Variants in DCC observed in about 807,000 individuals in gnomAD.
DCC encodes DCC netrin 1 receptor.
Under a neutral mutation model 172.5 loss-of-function variants are expected in DCC, and 58 were observed. The observed-to-expected ratio is 0.34, with a 90% CI of 0.27 to 0.42. DCC has a LOEUF of 0.42. Ranked by LOEUF, DCC falls within the 10% of genes least tolerant of loss-of-function variation. The pLI is 1.00. For missense variants in DCC, 1,740 were observed against 1,791.0 expected (o/e 0.97, Z 0.51); for synonymous variants, 709 against 644.5 (o/e 1.10, Z -1.52).
intron 1 of DCC, among the ~76,000 whole-genome samples, chr18:52,686,373 T>C (rs932981287): frequency 5.9e-5 from 9 of 152,154 alleles, no homozygotes; most frequent in African/African-American, 7.2e-5. Flanking sequence ...TAAGCCCTTA[T>C]AGCATATCAA....
chr18:52,484,778 A>G (rs899529308), intron 1 of DCC, among the ~76,000 whole-genome samples: 1 of 151,708 alleles, frequency 6.6e-6, no homozygotes, highest in Admixed American at 6.6e-5. Context: ...AAACCTGCAC[A>G]TCTCTCCCAG....
At chr18:52,828,456 A>T (rs1465847246) in intron 2 of DCC, among the ~76,000 whole-genome samples, 1 of 152,026 alleles carries the variant, frequency 6.6e-6, no homozygotes, top group Admixed American at 6.6e-5. Flanking sequence ...TTAAAGAAAT[A>T]TGAGGAATAA....
intron 1 of DCC, among the ~76,000 whole-genome samples, chr18:52,353,528 A>G (rs1417160892): frequency 6.6e-6 from 1 of 152,116 alleles, no homozygotes; most frequent in Non-Finnish European, 1.5e-5. Flanking sequence ...TCGCCTTTTG[A>G]TTGGGGATGG....
intron 16 of DCC, among the ~76,000 whole-genome samples, chr18:53,387,811 A>C (rs1042650615): frequency 2.0e-5 from 3 of 152,204 alleles, no homozygotes; most frequent in Non-Finnish European, 4.4e-5. Flanking sequence ...CAGGCCATGC[A>C]AAATGATACT....
chr18:53,420,706 T>C (rs142075056), intron 21 of DCC, among the ~76,000 whole-genome samples: 1 of 152,306 alleles, frequency 6.6e-6, no homozygotes, highest in Non-Finnish European at 1.5e-5. Context: ...TTTAACCTTA[T>C]GATTTAATTA....
intron 1 of DCC, among the ~76,000 whole-genome samples, chr18:52,618,111 G>A (rs1568258301): frequency 1.3e-5 from 2 of 152,072 alleles, no homozygotes; most frequent in Non-Finnish European, 2.9e-5. Flanking sequence ...AAAGCCACAA[G>A]CTTGCTATTA....
intron 1 of DCC, among the ~76,000 whole-genome samples, chr18:52,410,379 C>T (rs1347655965): frequency 6.6e-6 from 1 of 152,124 alleles, no homozygotes; most frequent in African/African-American, 2.4e-5. Flanking sequence ...TCACAGTGAA[C>T]TATGATTGTG....
At chr18:53,258,891 T>C (rs187322980) in intron 12 of DCC, among the ~76,000 whole-genome samples, 309 of 152,338 alleles carry the variant, frequency 2.0e-3, no homozygotes, top group African/African-American at 7.1e-3. Flanking sequence ...ATCTGGGTGC[T>C]CCTGTATTGG....
chr18:53,305,773 GGA>G, intron 13 of DCC, 54 bp downstream of exon 13: 1 of 1,569,394 alleles, frequency 6.4e-7, no homozygotes, highest in Non-Finnish European at 8.8e-7. Flanking sequence ...AAATGCTTTA[GGA>G]ATAAAATATA....
chr18:52,625,252 A>G (rs1017936051), intron 1 of DCC, among the ~76,000 whole-genome samples: 1 of 152,180 alleles, frequency 6.6e-6, no homozygotes, highest in African/African-American at 2.4e-5. Context: ...TTTAGAGAAG[A>G]GAGAAATGTG....
At chr18:52,460,433 T>C (rs1324921296) in intron 1 of DCC, among the ~76,000 whole-genome samples, 1 of 152,198 alleles carries the variant, frequency 6.6e-6, no homozygotes, top group Non-Finnish European at 1.5e-5. Context: ...AGTAAACTCT[T>C]CTGGTCCTCC....
At chr18:52,735,977 A>G (rs534637951) in intron 1 of DCC, among the ~76,000 whole-genome samples, 1 of 152,288 alleles carries the variant, frequency 6.6e-6, no homozygotes, top group South Asian at 2.1e-4. Flanking sequence ...AAATATTTCA[A>G]TTAATATTGT....
At chr18:52,528,250 GT>G (rs1268026746) in intron 1 of DCC, among the ~76,000 whole-genome samples, 1 of 152,084 alleles carries the variant, frequency 6.6e-6, no homozygotes, top group Non-Finnish European at 1.5e-5. Context: ...TGTTGCATGA[GT>G]TATAACATTC....
intron 21 of DCC, among the ~76,000 whole-genome samples, chr18:53,418,786 T>C (rs1910464975): frequency 6.6e-6 from 1 of 152,140 alleles, no homozygotes; most frequent in South Asian, 2.1e-4. Context: ...TTTGAAATGG[T>C]TTTGATTTGG....
intron 4 of DCC, among the ~76,000 whole-genome samples, chr18:52,924,433 CTA>C (rs1305075769): frequency 6.6e-6 from 1 of 151,990 alleles, no homozygotes; most frequent in Non-Finnish European, 1.5e-5. Context: ...TTAGCTTCAA[CTA>C]TATCGCTCAT....
intron 1 of DCC, among the ~76,000 whole-genome samples, chr18:52,672,824 T>G (rs1203470614): frequency 1.3e-5 from 2 of 152,120 alleles, no homozygotes; most frequent in African/African-American, 4.8e-5. Flanking sequence ...TCCCAACACT[T>G]TGGGAGGCAA....
intron 1 of DCC, among the ~76,000 whole-genome samples, chr18:52,622,757 G>C (rs1037838628): frequency 2.0e-5 from 3 of 152,170 alleles, no homozygotes; most frequent in Non-Finnish European, 4.4e-5. Context: ...CACCAGCCTG[G>C]TGGTTCGTTC....
chr18:52,728,926 A>T (rs1327198833), intron 1 of DCC, among the ~76,000 whole-genome samples: 1 of 152,188 alleles, frequency 6.6e-6, no homozygotes, highest in Non-Finnish European at 1.5e-5. Flanking sequence ...GTCTGTTTGG[A>T]GAAGTGATTA....
At chr18:52,673,381 T>C (rs138827102) in intron 1 of DCC, among the ~76,000 whole-genome samples, 2 of 152,310 alleles carry the variant, frequency 1.3e-5, no homozygotes, top group Non-Finnish European at 2.9e-5. Flanking sequence ...TTTTGAGGAA[T>C]ACTGGTCAGG....
Sources: allele counts gnomAD v4.1 joint callset (sites outside exome capture counted in the v4.1 genomes callset), GRCh38; gene constraint gnomAD v4.1.1; transcripts MANE v1.5; gene names NCBI Gene and HGNC (gene_info 2026-07-23, HGNC 2026-07-21).